Variants in RTN1 observed in about 807,000 individuals in gnomAD.
RTN1 encodes the protein reticulon-1.
Under a neutral mutation model 65.5 loss-of-function variants are expected in RTN1, and 25 were observed. The ratio of observed to expected loss-of-function variants is 0.38; its 90% CI spans 0.28 to 0.53. The LOEUF is 0.53. Among genes scored for constraint, RTN1 ranks in the 20% least tolerant of loss-of-function variants. The probability of loss-of-function intolerance (pLI) is 0.79; values close to 1 mark genes in which losing one functional copy is unlikely to be tolerated. For synonymous variants in RTN1, 471 were observed against 447.6 expected (o/e 1.05, Z -0.66); for missense variants, 983 against 1,025.4 (o/e 0.96, Z 0.57).
intron 3 of RTN1, among the ~76,000 whole-genome samples, chr14:59,689,357 G>A (rs186644692): frequency 5.3e-5 from 8 of 152,230 alleles, no homozygotes; most frequent in Admixed American, 3.9e-4. Context: ...CTGCAGAGAC[G>A]GAAAGTCAAC....
At chr14:59,621,942 C>T (rs565080524) in intron 3 of RTN1, among the ~76,000 whole-genome samples, 2 of 152,180 alleles carry the variant, frequency 1.3e-5, no homozygotes, top group African/African-American at 4.8e-5. Context: ...CATTATGGTA[C>T]CATATTCTTA....
At chr14:59,814,739 G>A (rs980852277) in intron 1 of RTN1, among the ~76,000 whole-genome samples, 1 of 152,106 alleles carries the variant, frequency 6.6e-6, no homozygotes, top group African/African-American at 2.4e-5. Flanking sequence ...CAACCTTCAT[G>A]ATTTTAGGCT....
chr14:59,746,798 GATCTTAGTATT>G (rs1470904989), intron 1 of RTN1, among the ~76,000 whole-genome samples: 1 of 152,140 alleles, frequency 6.6e-6, no homozygotes, highest in Non-Finnish European at 1.5e-5. Flanking sequence ...ACAGTGACTT[GATCTTAGTATT>G]ATTAAAAAGA....
chr14:59,842,712 C>T (rs1887336157), intron 1 of RTN1, among the ~76,000 whole-genome samples: 1 of 152,068 alleles, frequency 6.6e-6, no homozygotes, highest in South Asian at 2.1e-4. Flanking sequence ...ACAAACACAC[C>T]AAACTATACC....
At chr14:59,861,195 G>C (rs944688675) in intron 1 of RTN1, among the ~76,000 whole-genome samples, 1 of 152,130 alleles carries the variant, frequency 6.6e-6, no homozygotes, top group Non-Finnish European at 1.5e-5. Flanking sequence ...GAACCCAGCG[G>C]GAGGTAATTG....
chr14:59,766,027 C>A lies in RTN1; in HGVS notation c.242-19546G>T, dbSNP rs996514256. ...GGTGGATCACCTGAGGTCAGGGGTT[C>A]AAGATCAGCCTGGCCAATATGGTGA... On this transcript the variant is annotated intron_variant, in intron 1 of 8. Coordinates refer to ENST00000267484, the MANE Select transcript of RTN1 (RefSeq NM_021136.3). The surrounding 1 kb of genome is among the most constrained non-coding windows in gnomAD (Gnocchi z 4.4). Among the ~76,000 whole-genome samples, 12 of 152,266 alleles carry A rather than the reference C, an allele frequency of 7.9e-5. No homozygotes were observed. Among genetic ancestry groups the A allele is most frequent in the African/African-American group, 2.6e-4 (11 of 41,550 alleles).
intron 1 of RTN1, among the ~76,000 whole-genome samples, chr14:59,775,270 C>G (rs1258026574): frequency 6.6e-6 from 1 of 152,126 alleles, no homozygotes; most frequent in African/African-American, 2.4e-5. Context: ...ACCCTGGGTC[C>G]CTGAATCACC....
chr14:59,660,969 A>G (rs1019499001), intron 3 of RTN1, among the ~76,000 whole-genome samples: 1 of 152,052 alleles, frequency 6.6e-6, no homozygotes, highest in Non-Finnish European at 1.5e-5. Context: ...GAAAATATAA[A>G]CAAAATAGAT....
rs866016350 is a variant in RTN1 at position 59,816,642 on chromosome 14, A to G, written c.241+53748T>C. Among the ~76,000 whole-genome samples the G allele has an allele frequency of 2.0e-5, 3 of 152,284 alleles. No individual in the cohort carries two copies. The South Asian group carries it at 6.2e-4, about 32-fold the overall frequency. ...AGTGGGGAGGATCATGCTATAAAAT[A>G]CCCAGTACTAGCGGGGCACAGTGGC... On this transcript the variant is annotated intron_variant, in intron 1 of 8. Coordinates refer to ENST00000267484, the MANE Select transcript of RTN1 (RefSeq NM_021136.3). This position sits in a 1 kb window ranked among gnomAD's most constrained non-coding sequence, Gnocchi z 4.3.
Position 59,745,608 on chromosome 14 carries a change from A to C in RTN1, c.1015+100T>G. 5 of 1,024,950 alleles carry C rather than the reference A, an allele frequency of 4.9e-6. No individual in the cohort carries two copies. The South Asian group carries it at 6.8e-5, about 14-fold the overall frequency. 63.5% of individuals were successfully genotyped at this position (1,024,950 alleles called of 1,614,324 possible). The stretch of plus-strand genomic sequence containing the variant: ...GAAATTTAAGGGGTCCAGATAGTAA[A>C]GTATGTTGAATGAAAATTGTCATTC... On this transcript the variant is annotated intron_variant, in intron 2 of 8. Transcript: ENST00000267484.
At position 59,727,263 on chromosome 14, in the gene RTN1, G is replaced by A; in HGVS notation, c.1421C>T (p.Ser474Phe). 2.0e-6 allele frequency: 3 copies of A among 1,517,608 alleles called. No homozygotes were observed. The highest frequency in any genetic ancestry group is 2.6e-6 in the Non-Finnish European group (3 of 1,132,356). The allele number at this position is 1,517,608 out of a possible 1,614,324, so 94.0% of individuals were successfully genotyped here. The change falls in exon 3 of 9, where the codon TCC (serine) becomes TTC (phenylalanine). Residue 474 changes from serine (S) to phenylalanine (F), a missense_variant. Physicochemically the swap from Ser to Phe is radical, Grantham distance 155 (BLOSUM62 -2). This residue lies in a region of RTN1 where 818 missense variants were observed against 801.8 expected (regional missense o/e 1.02). Coordinates refer to ENST00000267484, the MANE Select transcript of RTN1 (RefSeq NM_021136.3). The surrounding 1 kb of genome is among the most constrained non-coding windows in gnomAD (Gnocchi z 4.2). ...SELIIESCDA[S>F]SASEESPKRE... ...CTTGGGGCTCTCCTCCGAGGCCGAG[G>A]AGGCGTCGCACGACTCGATGATGAG...
intron 1 of RTN1, among the ~76,000 whole-genome samples, chr14:59,830,541 G>T (rs1887106926): frequency 6.6e-6 from 1 of 152,194 alleles, no homozygotes; most frequent in Admixed American, 6.5e-5. Context: ...CCTCCTACAG[G>T]TTGTGTGACT....
intron 1 of RTN1, among the ~76,000 whole-genome samples, chr14:59,795,736 T>G (rs1447794469): frequency 6.6e-6 from 1 of 152,286 alleles, no homozygotes; most frequent in East Asian, 1.9e-4. Context: ...TTGGTACATA[T>G]GTAGCACATC....
chr14:59,621,340 T>C, intron 3 of RTN1, among the ~76,000 whole-genome samples: 1 of 152,232 alleles, frequency 6.6e-6, no homozygotes, highest in Non-Finnish European at 1.5e-5. Flanking sequence ...TAACTAAGAA[T>C]ACTTACTAGG....
intron 3 of RTN1, among the ~76,000 whole-genome samples, chr14:59,612,285 T>G (rs1566660631): frequency 6.6e-6 from 1 of 152,202 alleles, no homozygotes. Flanking sequence ...GGAACCCCAC[T>G]GCTATAGCAC....
chr14:59,663,703 G>A (rs1883301927), intron 3 of RTN1, among the ~76,000 whole-genome samples: 1 of 151,920 alleles, frequency 6.6e-6, no homozygotes. Context: ...AGACATTTAT[G>A]CAGCCAACAA....
intron 8 of RTN1, among the ~76,000 whole-genome samples, chr14:59,602,553 C>T (rs776733093): frequency 2.0e-5 from 3 of 152,064 alleles, no homozygotes; most frequent in Admixed American, 6.6e-5. Flanking sequence ...TAAACACATA[C>T]ACACAGTTGT....
chr14:59,795,880 G>A (rs1886430168), intron 1 of RTN1, among the ~76,000 whole-genome samples: 1 of 152,058 alleles, frequency 6.6e-6, no homozygotes, highest in African/African-American at 2.4e-5. Context: ...ATACGTTTTG[G>A]GGATGAGGAA....
At chr14:59,750,154 G>T (rs1178326315) in intron 1 of RTN1, among the ~76,000 whole-genome samples, 386 of 24,488 alleles carry the variant, frequency 0.016, 17 homozygotes, top group Admixed American at 0.026. Flanking sequence ...ATATATTATA[G>T]ATAATATATA....
Sources: gnomAD v4.1 joint callset for allele counts (sites outside exome capture counted in the v4.1 genomes callset) on GRCh38, gnomAD v4.1.1 for gene constraint, gnomAD v4.1.1 regional missense constraint, Gnocchi (gnomAD v3.1) non-coding constraint, MANE v1.5 for transcripts, NCBI Gene and HGNC (gene_info 2026-07-23, HGNC 2026-07-21) for gene names.